PDE1C: variants seen among roughly 807,000 people sequenced by gnomAD.
PDE1C encodes the protein dual specificity calcium/calmodulin-dependent 3',5'-cyclic nucleotide phosphodiesterase 1C.
In PDE1C, 62 loss-of-function variants were observed where a neutral mutation model predicts 93.1. The ratio of observed to expected loss-of-function variants is 0.67; its 90% confidence interval spans 0.54 to 0.82. The LOEUF (loss-of-function observed/expected upper bound fraction) is 0.82, where lower values mean the gene tolerates loss of function less well. Among genes scored for constraint, PDE1C ranks in the 40% least tolerant of loss-of-function variants. The pLI, the probability that PDE1C is intolerant of heterozygous loss-of-function variation, is 0.00. For missense variants in PDE1C, 742 were observed against 884.6 expected (o/e 0.84, Z 2.04); for synonymous variants, 325 against 310.1 (o/e 1.05, Z -0.50).
At chr7:32,145,885 C>T (rs1384640034) in intron 3 of PDE1C, among the ~76,000 whole-genome samples, 1 of 152,044 alleles carries the variant, frequency 6.6e-6, no homozygotes, top group Non-Finnish European at 1.5e-5. Context: ...GTGATTTTTC[C>T]ACTTTGTTTT....
At chr7:31,810,017 C>T (rs1162489123) in intron 15 of PDE1C, among the ~76,000 whole-genome samples, 2 of 152,102 alleles carry the variant, frequency 1.3e-5, no homozygotes, top group Non-Finnish European at 2.9e-5. Context: ...TTGTCCTTGG[C>T]TGCTCTCATG....
chr7:32,398,323 G>T (rs1255571975), intron 1 of PDE1C, among the ~76,000 whole-genome samples: 2 of 146,926 alleles, frequency 1.4e-5, no homozygotes, highest in Non-Finnish European at 3.0e-5. Context: ...AAAAGAAAAA[G>T]AAAAAGTGAG....
At chr7:31,634,312 C>A in the PDE1C span, among the ~76,000 whole-genome samples, 1 of 151,978 alleles carries the variant, frequency 6.6e-6, no homozygotes, top group Admixed American at 6.5e-5. Flanking sequence ...ATTAATGATA[C>A]GAAGATTGAG....
chr7:31,851,061 G>GACACACACACAC, intron 7 of PDE1C, among the ~76,000 whole-genome samples: 1 of 83,954 alleles, frequency 1.2e-5, no homozygotes. Context: ...TTCCTAGGTA[G>GACACACACACAC]ACACACACAC....
intron 5 of PDE1C, among the ~76,000 whole-genome samples, chr7:31,877,525 CTAAT>C (rs1286705226): frequency 6.6e-6 from 1 of 151,856 alleles, no homozygotes; most frequent in Admixed American, 6.6e-5. Context: ...AGCTCTGTCT[CTAAT>C]TAACTCTTTT....
At chr7:32,002,725 C>T (rs1399613636) in intron 2 of PDE1C, among the ~76,000 whole-genome samples, 1 of 152,124 alleles carries the variant, frequency 6.6e-6, no homozygotes, top group African/African-American at 2.4e-5. Context: ...TTCTATCATA[C>T]TATTTATAAT....
chr7:32,070,738 CCAAA>C (rs1331744401), upstream of PDE1C: 4 of 1,108,496 alleles, frequency 3.6e-6, no homozygotes, highest in African/African-American at 3.3e-5. Context: ...CCCCCTACCC[CCAAA>C]CAAAGCCACA....
At chr7:32,151,273 C>T (rs1167776530) in intron 3 of PDE1C, among the ~76,000 whole-genome samples, 1 of 152,148 alleles carries the variant, frequency 6.6e-6, no homozygotes, top group East Asian at 1.9e-4. Context: ...AAAGATATTC[C>T]ACTTACCAAC....
Position 32,420,392 on chromosome 7 carries a change from T to TATACATGTGTATATATATGTGTATATAC in PDE1C, c.310+7429_310+7430insGTATATACACATATATATACACATGTAT, listed in dbSNP as rs1785406055. On this transcript the variant is annotated intron_variant, in intron 1 of 1. Transcript: ENST00000672256. ...GTATATATATGTGTATATATATATA[T>TATACATGTGTATATATATGTGTATATAC]ACACACACACACACACACACACATA... 1.5e-4 allele frequency among the ~76,000 whole-genome samples: 5 copies of TATACATGTGTATATATATGTGTATATAC among 32,860 alleles called. 2 individuals are homozygous for TATACATGTGTATATATATGTGTATATAC. The highest frequency in any genetic ancestry group is 1.2e-4 in the Non-Finnish European group (2 of 16,772). 21.6% of individuals were successfully genotyped at this position (32,860 alleles called of 152,430 possible).
At chr7:31,973,277 T>C (rs569533598) in intron 2 of PDE1C, among the ~76,000 whole-genome samples, 41 of 151,536 alleles carry the variant, frequency 2.7e-4, no homozygotes, top group African/African-American at 9.2e-4. Context: ...AAAGAAAGAG[T>C]AGAGCTGAAA....
At chr7:31,824,143 C>T (rs902466027) in intron 13 of PDE1C, among the ~76,000 whole-genome samples, 9 of 152,064 alleles carry the variant, frequency 5.9e-5, no homozygotes, top group Admixed American at 2.6e-4. Context: ...CTTCTTCCTC[C>T]TTTATGACAA....
At chr7:31,919,524 T>C (rs17160702) in intron 2 of PDE1C, among the ~76,000 whole-genome samples, 4,993 of 152,116 alleles carry the variant, frequency 0.033, 277 homozygotes, top group African/African-American at 0.11. Context: ...GAAAATAATA[T>C]GGATTCTTCT....
At chr7:32,303,131 G>A (rs917109819), upstream of PDE1C, among the ~76,000 whole-genome samples, 5 of 152,140 alleles carry the variant, frequency 3.3e-5, no homozygotes, top group African/African-American at 1.2e-4. Context: ...GTTCATTCCA[G>A]GTCCAGTTCC....
chr7:32,194,285 C>A (rs1804455562), intron 2 of PDE1C, among the ~76,000 whole-genome samples: 4 of 152,128 alleles, frequency 2.6e-5, no homozygotes. Context: ...TCACAGTATT[C>A]CCTTATTATC....
intron 1 of PDE1C, among the ~76,000 whole-genome samples, chr7:32,422,216 C>T (rs558367532): frequency 1.1e-4 from 16 of 152,156 alleles, no homozygotes; most frequent in Non-Finnish European, 1.5e-4. Context: ...CAGGGACACA[C>T]GTTGCAGGTG....
At chr7:31,961,215 T>C (rs945976262) in intron 2 of PDE1C, among the ~76,000 whole-genome samples, 1 of 151,468 alleles carries the variant, frequency 6.6e-6, no homozygotes, top group Admixed American at 6.6e-5. Context: ...GTATCTACTA[T>C]TAAATCACTC....
chr7:32,336,021 C>T lies in PDE1C; in HGVS notation c.310+91801G>A, dbSNP rs75766077. ...ACCTTTTTAAAGACCCTATATCCAA[C>T]ACAGTCACATCTGAGATACTGGGAG... On this transcript the variant is annotated intron_variant, in intron 1 of 1. Coordinates refer to the PDE1C transcript ENST00000672256. Among the ~76,000 whole-genome samples the T allele has an allele frequency of 9.4e-3, 1,431 of 152,280 alleles. 23 individuals carry two copies. Among genetic ancestry groups the T allele is most frequent in the African/African-American group, 0.032 (1,348 of 41,558 alleles).
intron 1 of PDE1C, among the ~76,000 whole-genome samples, chr7:32,349,803 T>C (rs140469773): frequency 1.2e-4 from 18 of 152,196 alleles, no homozygotes; most frequent in Admixed American, 8.5e-4. Context: ...CTAATTTTTG[T>C]ATTTTTAGTA....
At chr7:31,702,532 C>A in the PDE1C span, among the ~76,000 whole-genome samples, 1 of 152,224 alleles carries the variant, frequency 6.6e-6, no homozygotes, top group African/African-American at 2.4e-5. Flanking sequence ...TGCTATCAGA[C>A]CCCTTCAGGT....
Sources: gnomAD v4.1 joint callset for allele counts (sites outside exome capture counted in the v4.1 genomes callset) on GRCh38, gnomAD v4.1.1 for gene constraint, MANE v1.5 for transcripts, NCBI Gene and HGNC (gene_info 2026-07-23, HGNC 2026-07-21) for gene names.